CDK13: variants seen among roughly 807,000 people sequenced by gnomAD.
The protein encoded by CDK13 is cyclin dependent kinase 13.
Under a neutral mutation model 137.6 loss-of-function variants are expected in CDK13, and 40 were observed. The observed-to-expected ratio is 0.29, with a 90% CI of 0.23 to 0.38. CDK13 has a LOEUF of 0.38. CDK13 is among the 10% of genes least tolerant of loss of function. The probability of loss-of-function intolerance (pLI) is 1.00; values close to 1 mark genes in which losing one functional copy is unlikely to be tolerated. For missense variants in CDK13, 1,704 were observed against 1,951.8 expected, an observed-to-expected ratio of 0.87 and a Z score of 2.39; for synonymous variants, 869 against 760.1, an observed-to-expected ratio of 1.14 and a Z score of -2.36.
chr7:40,062,966 C>G, intron 8 of CDK13, 39 bp downstream of exon 8: 1 of 1,603,028 alleles, frequency 6.2e-7, no homozygotes, highest in Non-Finnish European at 8.5e-7. Flanking sequence ...TTACTTGAAA[C>G]TTTTGGTAGT....
At chr7:39,996,795 T>C (rs1421267423) in intron 2 of CDK13, among the ~76,000 whole-genome samples, 1 of 151,774 alleles carries the variant, frequency 6.6e-6, no homozygotes. Flanking sequence ...AAACCCCGTC[T>C]CTATTAAAAA....
At chr7:40,032,599 A>G (rs1785403691) in intron 5 of CDK13, among the ~76,000 whole-genome samples, 1 of 151,958 alleles carries the variant, frequency 6.6e-6, no homozygotes, top group African/African-American at 2.4e-5. Flanking sequence ...CATTTTGTTC[A>G]CTTGTTGGTG....
At chr7:40,069,567 T>C (rs544038956) in intron 9 of CDK13, 1 of 288,206 alleles carries the variant, frequency 3.5e-6, no homozygotes, top group Non-Finnish European at 7.0e-6. Flanking sequence ...CCTCACCTTA[T>C]TTACAGTAAT....
At chr7:39,976,358 C>G (rs999000361) in intron 1 of CDK13, among the ~76,000 whole-genome samples, 2 of 147,206 alleles carry the variant, frequency 1.4e-5, no homozygotes, top group Non-Finnish European at 3.0e-5. Context: ...CACACACACA[C>G]AGAAACAAAT....
In CDK13 at chr7:40,094,306, T is replaced by A. The variant is rs368722816; in HGVS notation, c.3865T>A (p.Ser1289Thr). 13 of 1,613,126 alleles carry A rather than the reference T, an allele frequency of 8.1e-6. No individual in the cohort carries two copies. Among genetic ancestry groups the A allele is most frequent in the Non-Finnish European group, 1.1e-5 (13 of 1,179,660 alleles). Residue 1289 changes from serine to threonine, a missense_variant, in exon 14 of 14, where the codon TCT becomes ACT. Physicochemically the swap from Ser to Thr is moderately conservative, Grantham distance 58. This residue lies in a region of CDK13 where 475 missense variants were observed against 579.3 expected (regional missense o/e 0.82). Transcript: ENST00000181839. ...AAACCAGCATGTACCCACCACCAGT[T>A]CTTCATTAACTGACCCTCATGCCGG... is the stretch of plus-strand genomic sequence containing the variant. ...TENQHVPTTS[S>T]SLTDPHAGVK...
intron 5 of CDK13, among the ~76,000 whole-genome samples, chr7:40,010,118 G>A (rs767842943): frequency 1.2e-4 from 18 of 151,866 alleles, no homozygotes; most frequent in Non-Finnish European, 8.8e-5. Flanking sequence ...TATTATTATC[G>A]TAATATAATA....
At chr7:40,058,998 A>G (rs180926402) in intron 7 of CDK13, among the ~76,000 whole-genome samples, 45 of 152,276 alleles carry the variant, frequency 3.0e-4, no homozygotes, top group Admixed American at 5.2e-4. Context: ...ACTTTATCAT[A>G]TGTTGTTGGA....
intron 5 of CDK13, among the ~76,000 whole-genome samples, chr7:40,004,330 A>G (rs1336521310): frequency 1.3e-5 from 2 of 151,990 alleles, no homozygotes; most frequent in Non-Finnish European, 2.9e-5. Context: ...TTTTTGTGTT[A>G]TTTGCACCCT....
chr7:40,067,283 C>G (rs555882675), intron 9 of CDK13: 1 of 152,248 alleles, frequency 6.6e-6, no homozygotes, highest in Admixed American at 6.6e-5. Flanking sequence ...CGGTGGCTCA[C>G]GCCTGTAATC....
At chr7:40,089,723 A>AGAGTGTGTGTGT (rs1491307176) in intron 12 of CDK13, among the ~76,000 whole-genome samples, 5 of 125,230 alleles carry the variant, frequency 4.0e-5, no homozygotes, top group Middle Eastern at 4.0e-3. Flanking sequence ...AGAGAGAGAG[A>AGAGTGTGTGTGT]GTGTGTGTGT....
At chr7:40,004,977 C>A (rs1310347121) in intron 5 of CDK13, among the ~76,000 whole-genome samples, 1 of 152,216 alleles carries the variant, frequency 6.6e-6, no homozygotes, top group South Asian at 2.1e-4. Context: ...TTGTTTGAGA[C>A]CAGCCTGGCC....
chr7:39,971,369 T>A (rs1783994823), intron 1 of CDK13, among the ~76,000 whole-genome samples: 1 of 151,798 alleles, frequency 6.6e-6, no homozygotes, highest in Non-Finnish European at 1.5e-5. Context: ...GTACAAAAAC[T>A]AGCTGGGTGT....
intron 6 of CDK13, among the ~76,000 whole-genome samples, chr7:40,046,813 C>T (rs765478059): frequency 1.1e-4 from 16 of 151,734 alleles, no homozygotes; most frequent in Admixed American, 3.3e-4. Flanking sequence ...ACCAGCCTGG[C>T]CAACATGGTG....
intron 1 of CDK13, chr7:39,985,531 C>G (rs1261835335): frequency 6.6e-6 from 1 of 151,942 alleles, no homozygotes; most frequent in Non-Finnish European, 1.5e-5. Context: ...CTAGTTTTAG[C>G]TTTTTGAGGA....
chr7:40,079,686 A>G (rs1786624473), intron 11 of CDK13, among the ~76,000 whole-genome samples: 1 of 152,336 alleles, frequency 6.6e-6, no homozygotes, highest in African/African-American at 2.4e-5. Context: ...TCAAATTCAC[A>G]TTAGTCCAAT....
At chr7:40,050,455 G>GCA (rs1785861498) in intron 7 of CDK13, among the ~76,000 whole-genome samples, 1 of 152,146 alleles carries the variant, frequency 6.6e-6, no homozygotes, top group African/African-American at 2.4e-5. Flanking sequence ...GCAGTGGCGT[G>GCA]ATCTCAGCTC....
At chr7:39,977,787 T>C (rs370167884) in intron 1 of CDK13, among the ~76,000 whole-genome samples, 152 of 152,256 alleles carry the variant, frequency 1.0e-3, no homozygotes, top group African/African-American at 3.5e-3. Context: ...AGACTTGCAC[T>C]GGGCCCAGTG....
At chr7:40,025,313 C>T (rs1562735702) in intron 5 of CDK13, among the ~76,000 whole-genome samples, 1 of 152,150 alleles carries the variant, frequency 6.6e-6, no homozygotes, top group Admixed American at 6.5e-5. Flanking sequence ...ACAAGTCTTA[C>T]TTGTCTTTGT....
chr7:40,081,906 C>A (rs972181808), intron 11 of CDK13, among the ~76,000 whole-genome samples: 2 of 152,018 alleles, frequency 1.3e-5, no homozygotes, highest in Admixed American at 6.6e-5. Flanking sequence ...GCCACCGTGC[C>A]CAGCCCAAAT....
Sources: allele counts gnomAD v4.1 joint callset (sites outside exome capture counted in the v4.1 genomes callset), GRCh38; gene constraint gnomAD v4.1.1; regional missense constraint gnomAD v4.1.1; transcripts MANE v1.5; gene names NCBI Gene and HGNC (gene_info 2026-07-23, HGNC 2026-07-21).